The following UTRN variants were observed in gnomAD, a reference collection of about 807,000 sequenced individuals.
UTRN encodes utrophin, also known as dystrophin-related protein 1.
A neutral mutation model predicts 463.9 loss-of-function variants in UTRN; 283 were observed. The observed-to-expected ratio is 0.61, with a 90% CI of 0.55 to 0.67. UTRN has a LOEUF of 0.67. UTRN is among the 30% of genes least tolerant of loss of function. The pLI is 0.00. For synonymous variants in UTRN, 1,442 were observed against 1,431.5 expected, an observed-to-expected ratio of 1.01 and a Z score of -0.17; for missense variants, 3,922 against 4,084.3, an observed-to-expected ratio of 0.96 and a Z score of 1.08.
chr6:144,338,719 A>G (rs1367707649), intron 2 of UTRN, among the ~76,000 whole-genome samples: 1 of 152,158 alleles, frequency 6.6e-6, no homozygotes, highest in Admixed American at 6.5e-5. Flanking sequence ...GAGACCAGGT[A>G]GAAGATGTGG....
At chr6:144,346,542 C>T (rs975749519) in intron 2 of UTRN, among the ~76,000 whole-genome samples, 1 of 152,092 alleles carries the variant, frequency 6.6e-6, no homozygotes, top group Admixed American at 6.6e-5. Flanking sequence ...TATTTTCAGC[C>T]AGGCACAATG....
At chr6:144,594,117 CAGT>C (rs1186926154) in intron 51 of UTRN, among the ~76,000 whole-genome samples, 1 of 152,132 alleles carries the variant, frequency 6.6e-6, no homozygotes, top group Admixed American at 6.5e-5. Context: ...AAATAATTCA[CAGT>C]AGAAGTCAGT....
chr6:144,552,690 A>G (rs1208187257), intron 48 of UTRN, among the ~76,000 whole-genome samples: 1 of 152,154 alleles, frequency 6.6e-6, no homozygotes, highest in Non-Finnish European at 1.5e-5. Context: ...CCCAGGGGGA[A>G]TGTATTGCTA....
At chr6:144,595,873 A>C (rs745924229) in intron 51 of UTRN, among the ~76,000 whole-genome samples, 1 of 152,204 alleles carries the variant, frequency 6.6e-6, no homozygotes, top group Non-Finnish European at 1.5e-5. Context: ...ATTAATGACC[A>C]TAATGACTGA....
intron 51 of UTRN, among the ~76,000 whole-genome samples, chr6:144,626,729 T>G (rs895260497): frequency 1.3e-5 from 2 of 152,150 alleles, no homozygotes; most frequent in Non-Finnish European, 2.9e-5. Context: ...AACCTCTGCC[T>G]CCCAGGTTCA....
At chr6:144,657,702 G>C (rs768730020) in intron 51 of UTRN, among the ~76,000 whole-genome samples, 3 of 152,116 alleles carry the variant, frequency 2.0e-5, no homozygotes, top group Admixed American at 6.5e-5. Context: ...GAAAGACTAT[G>C]GTATTCCCTG....
At chr6:144,850,555 G>A (rs1341126065) in intron 74 of UTRN, among the ~76,000 whole-genome samples, 2 of 152,080 alleles carry the variant, frequency 1.3e-5, no homozygotes, top group African/African-American at 4.8e-5. Flanking sequence ...ACACCCTTGG[G>A]TTATGATTCC....
At position 144,732,251 on chromosome 6, in the gene UTRN, TATATATAC is replaced by T. The variant is rs1201217009; in HGVS notation, c.7939+1767_7939+1774del. On this transcript the variant is annotated intron_variant, in intron 54 of 74. Coordinates refer to ENST00000367545, the MANE Select transcript of UTRN (RefSeq NM_007124.3). ...ATATATATATATACATATATATATATATATATACACACATATATATATATATACACACA... is the reference window on the plus strand; with the variant it reads ...ATATATATATATACATATATATATATACACATATATATATATATACACACA... Among the ~76,000 whole-genome samples, 168 of 116,070 alleles carry T rather than the reference TATATATAC, an allele frequency of 1.4e-3. 1 individual carries two copies. The highest frequency in any genetic ancestry group is 6.6e-3 in the African/African-American group (156 of 23,582). 76.1% of individuals were successfully genotyped at this position (116,070 alleles called of 152,430 possible). A position where few individuals can be genotyped will look rare whatever the true frequency, so the allele number is the denominator to read the frequency against.
chr6:144,376,831 A>G lies in UTRN; in HGVS notation c.80-26292A>G, dbSNP rs1466552406. On this transcript the variant is annotated intron_variant, in intron 2 of 74. Coordinates refer to ENST00000367545, the MANE Select transcript of UTRN (RefSeq NM_007124.3). The stretch of plus-strand genomic sequence containing the variant: ...TCACTTCTAGAGAACTGAAGAATTT[A>G]CCAAAGTAAAAATGGTCTAACTTTA... Among the ~76,000 whole-genome samples, 6 of 152,218 alleles carry G rather than the reference A, an allele frequency of 3.9e-5. No individual in the cohort carries two copies. The East Asian group carries it at 1.2e-3, about 29-fold the overall frequency.
At position 144,454,319 on chromosome 6, in the gene UTRN, T is replaced by C. The variant is rs577037449; in HGVS notation, c.2284+450T>C. On this transcript the variant is annotated intron_variant, in intron 19 of 74. Coordinates refer to ENST00000367545, the MANE Select transcript of UTRN (RefSeq NM_007124.3). ...TTATATTTATTTACTACAGTATTTT[T>C]ATAGTTAAGTTTGATAAGGTGTTAC... Among the ~76,000 whole-genome samples, 595 of 152,342 alleles carry C rather than the reference T, an allele frequency of 3.9e-3. 3 individuals carry two copies. The highest frequency in any genetic ancestry group is 6.9e-3 in the Non-Finnish European group (466 of 68,012).
At position 144,479,916 on chromosome 6, in the gene UTRN, A is replaced by AT. The variant is rs1562463838; in HGVS notation, c.3442dup (p.Tyr1148LeufsTer7). On this transcript the variant is annotated frameshift_variant, in exon 26 of 75. Coordinates refer to ENST00000367545, the MANE Select transcript of UTRN (RefSeq NM_007124.3). LOFTEE classifies it high-confidence loss of function. The stretch of plus-strand genomic sequence containing the variant: ...AATGGATGACCCAGGCCGAGGAAGA[A>AT]TATTTGGAGCGGGATTTTGAGTACA... 6.2e-7 allele frequency: 1 copy of AT among 1,614,164 alleles called. No homozygotes were observed. The highest frequency in any genetic ancestry group is 8.5e-7 in the Non-Finnish European group (1 of 1,179,994).
In UTRN at chr6:144,846,828, G is replaced by GT. The variant is rs1782056266; in HGVS notation, c.10293+2dup. The GT allele has an allele frequency of 6.2e-7, 1 of 1,614,038 alleles. No individual in the cohort carries two copies. The highest frequency in any genetic ancestry group is 2.2e-5 in the East Asian group (1 of 44,842). On this transcript the variant is annotated splice_donor_variant, in intron 74 of 74. Transcript: ENST00000367545. LOFTEE classifies it high-confidence loss of function. ...AGCAAATGTTCCCAGCAGGCCACAGGTAAGAGTTAATGGCTTGGTTGGCTC... is the reference window on the plus strand; with the variant it reads ...AGCAAATGTTCCCAGCAGGCCACAGGTTAAGAGTTAATGGCTTGGTTGGCTC...
At chr6:144,566,665 C>T (rs1434750096) in intron 50 of UTRN, among the ~76,000 whole-genome samples, 2 of 152,080 alleles carry the variant, frequency 1.3e-5, no homozygotes, top group Non-Finnish European at 2.9e-5. Context: ...ATATACAGTG[C>T]CCCTGAACCT....
chr6:144,466,901 C>A (rs1052765790), intron 23 of UTRN, among the ~76,000 whole-genome samples: 6 of 152,218 alleles, frequency 3.9e-5, no homozygotes, highest in Non-Finnish European at 1.5e-5. Context: ...GCCCTTCCTT[C>A]TGGGTTCAGG....
At chr6:144,342,009 C>T (rs1302507906) in intron 2 of UTRN, among the ~76,000 whole-genome samples, 1 of 152,172 alleles carries the variant, frequency 6.6e-6, no homozygotes, top group Non-Finnish European at 1.5e-5. Context: ...CTAGGTGGTG[C>T]CCACGCCTCA....
At chr6:144,657,433 A>G (rs1779435720) in intron 51 of UTRN, among the ~76,000 whole-genome samples, 2 of 151,872 alleles carry the variant, frequency 1.3e-5, no homozygotes, top group Non-Finnish European at 2.9e-5. Context: ...TGGATATTCT[A>G]CTCTCGAATT....
rs544610517 is a variant in UTRN at position 144,320,369 on chromosome 6, G to C, written c.79+28462G>C. On this transcript the variant is annotated intron_variant, in intron 2 of 74. Coordinates refer to ENST00000367545, the MANE Select transcript of UTRN (RefSeq NM_007124.3). ...TTTCCCTCTTTGCATCATTGCCTCT[G>C]ACTATCTCCAGGCTGCTGATAGTGA... is the stretch of plus-strand genomic sequence containing the variant. 3.3e-5 allele frequency among the ~76,000 whole-genome samples: 5 copies of C among 152,174 alleles called. 1 individual carries two copies. Among genetic ancestry groups the C allele is most frequent in the African/African-American group, 1.2e-4 (5 of 41,500 alleles).
At chr6:144,399,889 A>G (rs79049559) in intron 2 of UTRN, among the ~76,000 whole-genome samples, 2 of 152,326 alleles carry the variant, frequency 1.3e-5, no homozygotes, top group East Asian at 1.9e-4. Context: ...TCTTTTACCT[A>G]TCACAGAAAT....
intron 51 of UTRN, among the ~76,000 whole-genome samples, chr6:144,666,947 C>G (rs1012062373): frequency 1.3e-5 from 2 of 152,142 alleles, no homozygotes; most frequent in Admixed American, 6.5e-5. Flanking sequence ...CCCAAATGTC[C>G]TGATGTTGCG....
Sources: allele counts gnomAD v4.1 joint callset (sites outside exome capture counted in the v4.1 genomes callset), GRCh38; gene constraint gnomAD v4.1.1; transcripts MANE v1.5; gene names NCBI Gene and HGNC (gene_info 2026-07-23, HGNC 2026-07-21).